HIC2: variants seen among roughly 807,000 people sequenced by gnomAD.
HIC2 encodes the protein HIC ZBTB transcriptional repressor 2.
A neutral mutation model predicts 39.5 loss-of-function variants in HIC2; 2 were observed. The ratio of observed to expected loss-of-function variants is 0.05; its 90% CI spans 0.02 to 0.16. The LOEUF (loss-of-function observed/expected upper bound fraction) is 0.16, where lower values mean the gene tolerates loss of function less well. Among genes scored for constraint, HIC2 ranks in the 10% least tolerant of loss-of-function variants. The pLI, the probability that HIC2 is intolerant of heterozygous loss-of-function variation, is 1.00. For missense variants in HIC2, 713 were observed against 863.5 expected (o/e 0.83, Z 2.18); for synonymous variants, 399 against 368.8 (o/e 1.08, Z -0.94).
chr22:21,425,566 G>A (rs1473511550), intron 1 of HIC2, among the ~76,000 whole-genome samples: 2 of 56,606 alleles, frequency 3.5e-5, no homozygotes, highest in Non-Finnish European at 9.2e-5. Context: ...TTTTGAGACG[G>A]AGTCTTGCCC....
chr22:21,444,939 G>A lies in HIC2; in HGVS notation c.44G>A (p.Gly15Glu). 6.2e-7 allele frequency: 1 copy of A among 1,612,422 alleles called. No individual in the cohort carries two copies. The highest frequency in any genetic ancestry group is 8.5e-7 in the Non-Finnish European group (1 of 1,179,650). The change falls in exon 3 of 3, where the codon GGG becomes GAG. Residue 15 changes from glycine to glutamate, a missense_variant. Physicochemically the swap from Gly to Glu is moderately conservative, Grantham distance 98. Transcript: ENST00000407464. ...GCCCACAGGTGGTGCGCGTGGGCAG[G>A]GCGCGGGGACATGGGGCCCGACATG... ...PLALRWCAWA[G>E]RGDMGPDMEL...
At chr22:21,443,189 C>G (rs190324746) in intron 2 of HIC2, among the ~76,000 whole-genome samples, 3 of 152,144 alleles carry the variant, frequency 2.0e-5, no homozygotes, top group Non-Finnish European at 4.4e-5. Context: ...GATTGGTTCA[C>G]GAAGTCTCCA....
At chr22:21,443,557 T>G (rs1025043036) in intron 2 of HIC2, among the ~76,000 whole-genome samples, 2 of 152,226 alleles carry the variant, frequency 1.3e-5, no homozygotes, top group South Asian at 4.2e-4. Context: ...GCTGAGAGAC[T>G]GGACCCTGAA....
In HIC2 at chr22:21,445,706, G is replaced by A. The variant is rs1923772651; in HGVS notation, c.811G>A (p.Ala271Thr). 1 of 1,612,126 alleles carries A rather than the reference G, an allele frequency of 6.2e-7. No homozygotes were observed. The highest frequency in any genetic ancestry group is 2.2e-5 in the East Asian group (1 of 44,868). ...TCCCCACCTCACTCCCGATGACGCAGCCCAGCTGAGCGACAGCCAACATGG... is the reference window on the plus strand; with the variant it reads ...TCCCCACCTCACTCCCGATGACGCAACCCAGCTGAGCGACAGCCAACATGG... ...PGPHLTPDDAAQLSDSQHGSP... is the reference protein window; with the variant it reads ...PGPHLTPDDATQLSDSQHGSP... Residue 271 changes from alanine (A) to threonine (T), a missense_variant, in exon 3 of 3, where the codon GCC (alanine) becomes ACC (threonine). Ala to Thr is a moderately conservative substitution (Grantham distance 58). Coordinates refer to ENST00000407464, the MANE Select transcript of HIC2 (RefSeq NM_015094.3).
At position 21,445,450 on chromosome 22, in the gene HIC2, C is replaced by T; in HGVS notation, c.555C>T (p.Ala185=). The T allele has an allele frequency of 1.3e-6, 2 of 1,534,912 alleles. No homozygotes were observed. Among genetic ancestry groups the T allele is most frequent in the Non-Finnish European group, 1.7e-6 (2 of 1,147,310 alleles). ...GGCTCGTGGATGGGCGCAAGGGGGCCCACGCCCCCCAGGAGCTCCCCCAAG... is the reference window on the plus strand; with the variant it reads ...GGCTCGTGGATGGGCGCAAGGGGGCTCACGCCCCCCAGGAGCTCCCCCAAG... ...YQGLVDGRKG[A]HAPQELPQAK... The change falls in exon 3 of 3, where the codon GCC becomes GCT. Residue 185 remains alanine (A), a synonymous_variant. Coordinates refer to ENST00000407464, the MANE Select transcript of HIC2 (RefSeq NM_015094.3).
In HIC2 at chr22:21,448,122, A is replaced by G. The variant is rs1194841263; in HGVS notation, c.*1379A>G. ...CCCCGGGCACACAAACCTCTGTGGTATAGGTGAGGGGTGTGAGGCCCCAGC... is the reference window on the plus strand; with the variant it reads ...CCCCGGGCACACAAACCTCTGTGGTGTAGGTGAGGGGTGTGAGGCCCCAGC... On this transcript the variant is annotated 3_prime_UTR_variant, in exon 3 of 3. Coordinates refer to ENST00000407464, the MANE Select transcript of HIC2 (RefSeq NM_015094.3). 6.6e-6 allele frequency: 1 copy of G among 152,368 alleles called. No individual in the cohort carries two copies. The highest frequency in any genetic ancestry group is 2.4e-5 in the African/African-American group (1 of 41,414). The allele number at this position is 152,368 out of a possible 1,614,324, so 9.4% of individuals were successfully genotyped here. A position where few individuals can be genotyped will look rare whatever the true frequency, so the allele number is the denominator to read the frequency against.
Position 21,447,009 on chromosome 22 carries a change from T to C in HIC2, c.*266T>C. 4.0e-6 allele frequency: 2 copies of C among 503,808 alleles called. No homozygotes were observed. Among genetic ancestry groups the C allele is most frequent in the Non-Finnish European group, 7.0e-6 (2 of 286,686 alleles). 31.2% of individuals were successfully genotyped at this position (503,808 alleles called of 1,614,324 possible). On this transcript the variant is annotated 3_prime_UTR_variant, in exon 3 of 3. Coordinates refer to ENST00000407464, the MANE Select transcript of HIC2 (RefSeq NM_015094.3). ...TCCCCGCGGGGGCCACCGCAGGGCC[T>C]GTGGGCTGGGTCACGTGGGTCTCGC... is the stretch of plus-strand genomic sequence containing the variant.
At chr22:21,430,885 A>G (rs918028408) in intron 1 of HIC2, among the ~76,000 whole-genome samples, 3 of 110,132 alleles carry the variant, frequency 2.7e-5, no homozygotes, top group African/African-American at 1.2e-4. Context: ...AAAAAAAAAC[A>G]AAGGTAAATT....
At position 21,445,082 on chromosome 22, in the gene HIC2, G is replaced by A. The variant is rs367902699; in HGVS notation, c.187G>A (p.Val63Ile). The A allele has an allele frequency of 9.3e-6, 15 of 1,614,034 alleles. No individual in the cohort carries two copies. The highest frequency in any genetic ancestry group is 1.3e-5 in the African/African-American group (1 of 74,912). Residue 63 changes from valine (V) to isoleucine (I), a missense_variant, in exon 3 of 3, where the codon GTC (valine) becomes ATC (isoleucine). Val to Ile is a conservative substitution (Grantham distance 29). Coordinates refer to ENST00000407464, the MANE Select transcript of HIC2 (RefSeq NM_015094.3). ...CTCCATCTTCCGGGCCCACAAGAAC[G>A]TCCTAGCCGCCAGCAGCATCTATTT... ...ENSIFRAHKN[V>I]LAASSIYFKS...
chr22:21,432,520 T>C (rs1923350640), intron 1 of HIC2, among the ~76,000 whole-genome samples: 2 of 82,526 alleles, frequency 2.4e-5, no homozygotes, highest in African/African-American at 1.2e-4. Context: ...CTACTAAAAA[T>C]ACAAAATTAG....
Position 21,446,406 on chromosome 22 carries a change from C to G in HIC2, c.1511C>G (p.Pro504Arg). The G allele has an allele frequency of 6.2e-7, 1 of 1,612,156 alleles. No homozygotes were observed. Among genetic ancestry groups the G allele is most frequent in the Non-Finnish European group, 8.5e-7 (1 of 1,180,022 alleles). Residue 504 changes from proline (P) to arginine (R), a missense_variant, in exon 3 of 3, where the codon CCC becomes CGC. Physicochemically the swap from Pro to Arg is moderately radical, Grantham distance 103. Coordinates refer to ENST00000407464, the MANE Select transcript of HIC2 (RefSeq NM_015094.3). ...GCGGCCTACACGGCTGAGCCCCGGCCCTTCAAGTGTTCGGTCTGCGAGAAG... is the reference window on the plus strand; with the variant it reads ...GCGGCCTACACGGCTGAGCCCCGGCGCTTCAAGTGTTCGGTCTGCGAGAAG... ...PSAAYTAEPR[P>R]FKCSVCEKTY... is the part of the protein sequence containing the mutation.
intron 1 of HIC2, among the ~76,000 whole-genome samples, chr22:21,430,955 T>C (rs1318001775): frequency 5.1e-5 from 3 of 59,258 alleles, no homozygotes; most frequent in East Asian, 1.6e-3. Flanking sequence ...GTGGTAAACC[T>C]ACTATTGGTT....
chr22:21,445,993 T>TGA lies in HIC2; in HGVS notation c.1100_1101dup (p.Gly368ArgfsTer163). 1 of 1,559,580 alleles carries TGA rather than the reference T, an allele frequency of 6.4e-7. No homozygotes were observed. Among genetic ancestry groups the TGA allele is most frequent in the Non-Finnish European group, 8.7e-7 (1 of 1,154,442 alleles). ...AGGGTCCCTGCCCGGGAGAGGAGGG[T>TGA]GAGGGGGTCGGGGACAGGGTTCCCA... On this transcript the variant is annotated frameshift_variant, in exon 3 of 3. Transcript: ENST00000407464. LOFTEE classifies it high-confidence loss of function.
rs865953213 is a variant in HIC2 at position 21,445,671 on chromosome 22, C to T, written c.776C>T (p.Ala259Val). The T allele has an allele frequency of 1.2e-6, 2 of 1,607,704 alleles. No individual in the cohort carries two copies. Among genetic ancestry groups the T allele is most frequent in the Admixed American group, 1.7e-5 (1 of 59,088 alleles). Residue 259 changes from alanine to valine, a missense_variant, in exon 3 of 3, where the codon GCC becomes GTC. Coordinates refer to ENST00000407464, the MANE Select transcript of HIC2 (RefSeq NM_015094.3). Reference sequence around the variant, plus strand: ...AAGAAAAGCCCACCCTTGCCCCCTGCCACCCCAGGTCCCCACCTCACTCCC... The same window carrying T: ...AAGAAAAGCCCACCCTTGCCCCCTGTCACCCCAGGTCCCCACCTCACTCCC... Reference protein sequence around the residue: ...LSKKSPPLPPATPGPHLTPDD... With the variant: ...LSKKSPPLPPVTPGPHLTPDD...
Position 21,446,324 on chromosome 22 carries a change from T to C in HIC2, c.1429T>C (p.Tyr477His). The change falls in exon 3 of 3, where the codon TAC becomes CAC. Residue 477 changes from tyrosine (Y) to histidine (H), a missense_variant. Around this residue, in one of 5 missense-constraint regions of HIC2, gnomAD observed 103 missense variants for 103.4 expected, o/e 1.00. Transcript: ENST00000407464. ...GCTGTTCATCAAGGAAGAGGGGGCC[T>C]ACGAGACAGGCAGTGGGGGTGCCGA... The part of the protein sequence containing the change: ...EELFIKEEGA[Y>H]ETGSGGAEEE... 1 of 1,613,122 alleles carries C rather than the reference T, an allele frequency of 6.2e-7. No homozygotes were observed. Among genetic ancestry groups the C allele is most frequent in the East Asian group, 2.2e-5 (1 of 44,818 alleles).
At position 21,446,197 on chromosome 22, in the gene HIC2, G is replaced by A. The variant is rs780050253; in HGVS notation, c.1302G>A (p.Thr434=). ...HYMYRQEGYE[T]VSYGDNLYVC... is the part of the protein sequence containing the mutation. ...TGTACCGGCAGGAGGGCTACGAGAC[G>A]GTGTCCTACGGGGACAACTTGTATG... is the stretch of plus-strand genomic sequence containing the variant. Residue 434 remains threonine, a synonymous_variant, in exon 3 of 3, where the codon ACG becomes ACA. Coordinates refer to ENST00000407464, the MANE Select transcript of HIC2 (RefSeq NM_015094.3). 11 of 1,611,352 alleles carry A rather than the reference G, an allele frequency of 6.8e-6. No homozygotes were observed. The highest frequency in any genetic ancestry group is 7.6e-6 in the Non-Finnish European group (9 of 1,179,994).
chr22:21,447,439 G>C lies in HIC2; in HGVS notation c.*696G>C, dbSNP rs549201802. 88 of 152,854 alleles carry C rather than the reference G, an allele frequency of 5.8e-4. No homozygotes were observed. Among genetic ancestry groups the C allele is most frequent in the Non-Finnish European group, 9.0e-4 (61 of 68,054 alleles). The allele number at this position is 152,854 out of a possible 1,614,324, so 9.5% of individuals were successfully genotyped here. A position where few individuals can be genotyped will look rare whatever the true frequency, so the allele number is the denominator to read the frequency against. On this transcript the variant is annotated 3_prime_UTR_variant, in exon 3 of 3. Transcript: ENST00000407464. ...CCCCTCCGGGGCTGAGCCTGGGTCT[G>C]AAGACTGAATGTAACAGGGGCCGCT... is the stretch of plus-strand genomic sequence containing the variant.
At position 21,447,740 on chromosome 22, in the gene HIC2, C is replaced by T. The variant is rs559588036; in HGVS notation, c.*997C>T. The stretch of plus-strand genomic sequence containing the variant: ...GGGTGGGGGGAGGCTAGACTCAATG[C>T]CGGGGCCGTCGGTACTCTTGTTTTC... On this transcript the variant is annotated 3_prime_UTR_variant, in exon 3 of 3. Coordinates refer to ENST00000407464, the MANE Select transcript of HIC2 (RefSeq NM_015094.3). The T allele has an allele frequency of 2.0e-3, 306 of 152,564 alleles. No homozygotes were observed. Among genetic ancestry groups the T allele is most frequent in the Non-Finnish European group, 3.4e-3 (229 of 68,004 alleles). The allele number at this position is 152,564 out of a possible 1,614,324, so 9.5% of individuals were successfully genotyped here.
chr22:21,449,504 C>T lies in HIC2; in HGVS notation c.*2761C>T, dbSNP rs1924048204. ...CACATTTTGAATGAGTATGGAACCT[C>T]CATGGGCTCAGAAAAAAGATGCTAA... is the stretch of plus-strand genomic sequence containing the variant. On this transcript the variant is annotated 3_prime_UTR_variant, in exon 3 of 3. Coordinates refer to ENST00000407464, the MANE Select transcript of HIC2 (RefSeq NM_015094.3). The T allele has an allele frequency of 6.5e-6, 1 of 152,784 alleles. No individual in the cohort carries two copies. Among genetic ancestry groups the T allele is most frequent in the African/African-American group, 2.4e-5 (1 of 41,448 alleles). 9.5% of individuals were successfully genotyped at this position (152,784 alleles called of 1,614,324 possible).
Sources: allele counts gnomAD v4.1 joint callset (sites outside exome capture counted in the v4.1 genomes callset), GRCh38; gene constraint gnomAD v4.1.1; regional missense constraint gnomAD v4.1.1; transcripts MANE v1.5; gene names NCBI Gene and HGNC (gene_info 2026-07-23, HGNC 2026-07-21).